The following CNTN5 variants were observed in gnomAD, a reference collection of about 807,000 sequenced individuals.
CNTN5 encodes the protein contactin-5.
CNTN5 carries 77 observed loss-of-function variants against 129.1 expected under a neutral mutation model. That is an observed-to-expected ratio of 0.60 (90% confidence interval 0.50 to 0.72). The LOEUF (loss-of-function observed/expected upper bound fraction) is 0.72. Among genes scored for constraint, CNTN5 ranks in the 30% least tolerant of loss-of-function variants. The pLI is 0.00. For synonymous variants in CNTN5, 509 were observed against 465.6 expected, an observed-to-expected ratio of 1.09 and a Z score of -1.20; for missense variants, 1,478 against 1,328.8, an observed-to-expected ratio of 1.11 and a Z score of -1.75.
chr11:100,356,478 A>AATTT lies in CNTN5; in HGVS notation c.*258_*259insATTT. 1 of 464,716 alleles carries AATTT rather than the reference A, an allele frequency of 2.2e-6. No homozygotes were observed. Among genetic ancestry groups the AATTT allele is most frequent in the Non-Finnish European group, 3.8e-6 (1 of 262,160 alleles). The allele number at this position is 464,716 out of a possible 1,614,324, so 28.8% of individuals were successfully genotyped here. ...GTATGTAATGAATTTTTGTAAACAA[A>AATTT]GGTAATTTCTGTCAAATGTATTCTT... On this transcript the variant is annotated 3_prime_UTR_variant, in exon 25 of 25. Coordinates refer to ENST00000524871, the MANE Select transcript of CNTN5 (RefSeq NM_014361.4).
intron 2 of CNTN5, among the ~76,000 whole-genome samples, chr11:99,516,487 T>A (rs1947056931): frequency 6.6e-6 from 1 of 152,058 alleles, no homozygotes; most frequent in Non-Finnish European, 1.5e-5. Context: ...AAAAGTGAGT[T>A]GGTCAACAAA....
At chr11:99,840,651 A>G (rs929444345) in intron 4 of CNTN5, among the ~76,000 whole-genome samples, 1 of 152,144 alleles carries the variant, frequency 6.6e-6, no homozygotes, top group East Asian at 1.9e-4. Context: ...AAACACAGAA[A>G]ACCATTGCTT....
intron 1 of CNTN5, among the ~76,000 whole-genome samples, chr11:99,080,062 T>C (rs540971109): frequency 1.3e-5 from 2 of 152,156 alleles, no homozygotes; most frequent in Non-Finnish European, 2.9e-5. Flanking sequence ...AGGTGCAAAG[T>C]GAATAATTTT....
intron 2 of CNTN5, among the ~76,000 whole-genome samples, chr11:99,490,772 T>C (rs543781975): frequency 3.0e-4 from 46 of 152,264 alleles, no homozygotes; most frequent in African/African-American, 1.1e-3. Context: ...TGGAACAGTT[T>C]ATCCATGGTT....
At chr11:99,791,677 A>G (rs1466852173) in intron 3 of CNTN5, among the ~76,000 whole-genome samples, 1 of 152,178 alleles carries the variant, frequency 6.6e-6, no homozygotes, top group Non-Finnish European at 1.5e-5. Flanking sequence ...TTTGATACAG[A>G]CAGCAGTGAA....
At chr11:100,268,801 G>C (rs1326947151) in intron 17 of CNTN5, among the ~76,000 whole-genome samples, 1 of 152,128 alleles carries the variant, frequency 6.6e-6, no homozygotes, top group Non-Finnish European at 1.5e-5. Flanking sequence ...ATTGGAGTGA[G>C]ACAGGGGAGA....
chr11:100,062,820 G>C (rs1261339054), intron 10 of CNTN5, among the ~76,000 whole-genome samples: 1 of 152,180 alleles, frequency 6.6e-6, no homozygotes, highest in Non-Finnish European at 1.5e-5. Context: ...GTTTATAACT[G>C]TTCATAATTC....
intron 13 of CNTN5, among the ~76,000 whole-genome samples, chr11:100,135,318 G>A (rs1307623799): frequency 6.6e-6 from 1 of 151,662 alleles, no homozygotes; most frequent in East Asian, 2.0e-4. Flanking sequence ...TGGGACTACA[G>A]GCATGTGCCA....
rs112352020 is a variant in CNTN5, at chr11:99,521,827, A to G, written c.-70-34318A>G. Among the ~76,000 whole-genome samples, 597 of 152,294 alleles carry G rather than the reference A, an allele frequency of 3.9e-3. 5 individuals are homozygous for G. The highest frequency in any genetic ancestry group is 3.7e-3 in the Non-Finnish European group (254 of 68,020). ...TCTGGTAGGTAACAGTTGTTTTAGAACAAAATTCATTCAAACATGTTTCTC... is the reference window on the plus strand; with the variant it reads ...TCTGGTAGGTAACAGTTGTTTTAGAGCAAAATTCATTCAAACATGTTTCTC... On this transcript the variant is annotated intron_variant, in intron 2 of 24. Transcript: ENST00000524871.
intron 2 of CNTN5, among the ~76,000 whole-genome samples, chr11:99,388,475 C>T (rs577394393): frequency 3.4e-5 from 5 of 148,496 alleles, no homozygotes; most frequent in South Asian, 2.2e-4. Flanking sequence ...GCACTTTGTA[C>T]GCTTGTAAAC....
chr11:99,775,183 G>A (rs1479894965), intron 3 of CNTN5, among the ~76,000 whole-genome samples: 1 of 152,098 alleles, frequency 6.6e-6, no homozygotes, highest in Non-Finnish European at 1.5e-5. Context: ...TTACCTTTGA[G>A]TGATAATATT....
intron 3 of CNTN5, among the ~76,000 whole-genome samples, chr11:99,700,287 T>C (rs1954461837): frequency 6.6e-6 from 1 of 151,414 alleles, no homozygotes; most frequent in African/African-American, 2.4e-5. Flanking sequence ...GTCATTTCCA[T>C]CCATGATTCT....
intron 16 of CNTN5, among the ~76,000 whole-genome samples, chr11:100,243,156 T>G (rs979648944): frequency 3.3e-5 from 5 of 152,216 alleles, no homozygotes; most frequent in African/African-American, 1.2e-4. Context: ...GACACACACA[T>G]ATACACTCAC....
chr11:99,821,976 G>A lies in CNTN5; in HGVS notation c.277+2211G>A, dbSNP rs7115016. On this transcript the variant is annotated intron_variant, in intron 4 of 24. Coordinates refer to ENST00000524871, the MANE Select transcript of CNTN5 (RefSeq NM_014361.4). ...CCATAACTACTGTTTTCTCTTCTGAGCATTTTATAAATCTTAGCTAGATGT... is the reference window on the plus strand; with the variant it reads ...CCATAACTACTGTTTTCTCTTCTGAACATTTTATAAATCTTAGCTAGATGT... Among the ~76,000 whole-genome samples the A allele has an allele frequency of 1.2e-3, 186 of 152,246 alleles. 1 individual carries two copies. The highest frequency in any genetic ancestry group is 4.2e-3 in the African/African-American group (173 of 41,544).
intron 3 of CNTN5, among the ~76,000 whole-genome samples, chr11:99,734,068 A>G (rs1943621563): frequency 6.6e-6 from 1 of 152,190 alleles, no homozygotes; most frequent in Admixed American, 6.5e-5. Context: ...AGAAGTATAC[A>G]TGGCCACTAT....
At chr11:99,067,716 C>G (rs191058731) in intron 1 of CNTN5, among the ~76,000 whole-genome samples, 16 of 152,220 alleles carry the variant, frequency 1.1e-4, no homozygotes, top group Non-Finnish European at 1.8e-4. Context: ...TCTGTAGAAG[C>G]AGAATATATT....
At chr11:99,665,707 C>T (rs1236897550) in intron 3 of CNTN5, among the ~76,000 whole-genome samples, 1 of 151,582 alleles carries the variant, frequency 6.6e-6, no homozygotes, top group Non-Finnish European at 1.5e-5. Context: ...GGCTGATCTC[C>T]AATTTGTGAC....
intron 3 of CNTN5, among the ~76,000 whole-genome samples, chr11:99,784,076 T>A (rs1290787492): frequency 2.0e-5 from 3 of 152,154 alleles, no homozygotes; most frequent in African/African-American, 4.8e-5. Flanking sequence ...GTACACATAG[T>A]ATTTTGCAGA....
At chr11:100,166,183 G>T (rs1375718049) in intron 13 of CNTN5, among the ~76,000 whole-genome samples, 1 of 151,616 alleles carries the variant, frequency 6.6e-6, no homozygotes, top group African/African-American at 2.4e-5. Context: ...ATGATTTTTT[G>T]GAGTGAAAAA....
Sources: allele counts gnomAD v4.1 joint callset (sites outside exome capture counted in the v4.1 genomes callset), GRCh38; gene constraint gnomAD v4.1.1; transcripts MANE v1.5; gene names NCBI Gene and HGNC (gene_info 2026-07-23, HGNC 2026-07-21).